Variants in MUC4 observed in about 807,000 individuals in gnomAD.
The protein encoded by MUC4 is mucin 4, cell surface associated.
MUC4 carries 202 observed loss-of-function variants against 257.9 expected under a neutral mutation model. The ratio of observed to expected loss-of-function variants is 0.78; its 90% CI spans 0.70 to 0.88. The LOEUF (loss-of-function observed/expected upper bound fraction) is 0.88, where lower values mean the gene tolerates loss of function less well. MUC4 is among the 40% of genes least tolerant of loss of function. The pLI is 0.00. For missense variants in MUC4, 5,976 were observed against 6,513.7 expected (o/e 0.92, Z 2.84); for synonymous variants, 2,351 against 2,757.1 (o/e 0.85, Z 4.62).
At position 195,788,893 on chromosome 3, in the gene MUC4, G is replaced by C; in HGVS notation, c.2687C>G (p.Ala896Gly). 1 of 1,613,748 alleles carries C rather than the reference G, an allele frequency of 6.2e-7. No individual in the cohort carries two copies. Residue 896 changes from alanine to glycine, a missense_variant, in exon 2 of 25, where the codon GCC becomes GGC. This residue lies in a region of MUC4 where 1,583 missense variants were observed against 1,257.4 expected (regional missense o/e 1.26). Coordinates refer to ENST00000463781, the MANE Select transcript of MUC4 (RefSeq NM_018406.7). Reference protein sequence around the residue: ...TGQSSPTSPSASPQETAAISR... With the variant: ...TGQSSPTSPSGSPQETAAISR... The stretch of plus-strand genomic sequence containing the variant: ...AATGGCGGCTGTCTCCTGAGGAGAG[G>C]CACTGGGAGAAGTTGGGCTTGACTG...
At chr3:195,801,677 G>A (rs912382958) in intron 1 of MUC4, among the ~76,000 whole-genome samples, 8 of 151,974 alleles carry the variant, frequency 5.3e-5, no homozygotes, top group South Asian at 2.1e-4. Flanking sequence ...CACTCACTTC[G>A]CTCAAGCCGT....
chr3:195,793,843 A>T (rs1448815414), intron 1 of MUC4, among the ~76,000 whole-genome samples: 3 of 152,202 alleles, frequency 2.0e-5, no homozygotes, highest in Non-Finnish European at 4.4e-5. Context: ...CATCTGTGCC[A>T]ATCTGGTAAA....
In MUC4 at chr3:195,762,133, G is replaced by A. The variant is rs1373742613; in HGVS notation, c.14466C>T (p.Ser4822=). The part of the protein sequence containing the change: ...VIALSNILHA[S]ASLPPEYQNR... ...TCTGGTACTCGGGCGGGAGGCTGGC[G>A]GAGGCGTGGAGGATGTTGGAGAGCG... is the stretch of plus-strand genomic sequence containing the variant. The change falls in exon 14 of 25, where the codon TCC becomes TCT. Residue 4822 remains serine (S), a synonymous_variant. Transcript: ENST00000463781. The A allele has an allele frequency of 1.7e-5, 27 of 1,608,078 alleles. No homozygotes were observed. The highest frequency in any genetic ancestry group is 2.1e-5 in the Non-Finnish European group (25 of 1,178,380).
At chr3:195,760,847 A>T (rs985269973) in intron 16 of MUC4, 37 bp downstream of exon 16, 75 of 1,578,276 alleles carry the variant, frequency 4.8e-5, no homozygotes, top group Non-Finnish European at 6.4e-5. Context: ...TCTGCTCCCG[A>T]CTCTGAAAAG....
Position 195,774,278 on chromosome 3 carries a change from C to A in MUC4, c.12971G>T (p.Gly4324Val). Residue 4324 changes from glycine to valine, a missense_variant, in exon 4 of 25, where the codon GGC becomes GTC. Around this residue, in one of 44 missense-constraint regions of MUC4, gnomAD observed 233 missense variants for 171.2 expected, o/e 1.36. Transcript: ENST00000463781. ...RGVSLFPYGAGAGDLEFVRRT... is the reference protein window; with the variant it reads ...RGVSLFPYGAVAGDLEFVRRT... ...CCTGACGAACTCCAGGTCCCCGGCG[C>A]CTGCCCCATAGGGGAAGAGGGAAAC... The A allele has an allele frequency of 6.3e-7, 1 of 1,580,806 alleles. No individual in the cohort carries two copies. The highest frequency in any genetic ancestry group is 1.2e-5 in the South Asian group (1 of 86,566).
Position 195,786,851 on chromosome 3 carries a change from C to T in MUC4, c.4729G>A (p.Ala1577Thr), listed in dbSNP as rs1294648865. Reference sequence around the variant, plus strand: ...AGAGGGGTGGTGTGACCTGTAGATGCTGAGGAAGGGCTGGTGACAGGAAGA... The same window carrying T: ...AGAGGGGTGGTGTGACCTGTAGATGTTGAGGAAGGGCTGGTGACAGGAAGA... ...TPLPVTSPSSASTGHTTPLPV... is the reference protein window; with the variant it reads ...TPLPVTSPSSTSTGHTTPLPV... The change falls in exon 2 of 25, where the codon GCA becomes ACA. Residue 1577 changes from alanine to threonine, a missense_variant. Ala to Thr is a moderately conservative substitution (Grantham distance 58, BLOSUM62 0). Coordinates refer to ENST00000463781, the MANE Select transcript of MUC4 (RefSeq NM_018406.7). The T allele has an allele frequency of 6.5e-7, 1 of 1,537,956 alleles. No individual in the cohort carries two copies. Among genetic ancestry groups the T allele is most frequent in the Non-Finnish European group, 8.8e-7 (1 of 1,140,348 alleles).
chr3:195,762,045 T>TG, intron 14 of MUC4, 42 bp downstream of exon 14: 1 of 1,547,242 alleles, frequency 6.5e-7, no homozygotes, highest in Non-Finnish European at 8.7e-7. Flanking sequence ...GAGCTCCGGC[T>TG]GGCTCCGCGG....
rs761387718 is a variant in MUC4 at position 195,757,975 on chromosome 3, C to T, written c.14987-647G>A. On this transcript the variant is annotated intron_variant, in intron 17 of 24. Transcript: ENST00000463781. This position sits in a 1 kb window ranked among gnomAD's most constrained non-coding sequence, Gnocchi z 4.8. ...GAAGAAAACCTCTCAGTGCCATTGTCTCGCACCTGGGAGGACGCACATGGG... is the reference window on the plus strand; with the variant it reads ...GAAGAAAACCTCTCAGTGCCATTGTTTCGCACCTGGGAGGACGCACATGGG... Among the ~76,000 whole-genome samples, 3 of 152,208 alleles carry T rather than the reference C, an allele frequency of 2.0e-5. No individual in the cohort carries two copies. Among genetic ancestry groups the T allele is most frequent in the Non-Finnish European group, 2.9e-5 (2 of 68,040 alleles).
In MUC4 at chr3:195,788,501, C is replaced by G. The variant is rs1223342885; in HGVS notation, c.3079G>C (p.Val1027Leu). 6.7e-7 allele frequency: 1 copy of G among 1,493,574 alleles called. No homozygotes were observed. Among genetic ancestry groups the G allele is most frequent in the Non-Finnish European group, 9.0e-7 (1 of 1,116,340 alleles). The allele number at this position is 1,493,574 out of a possible 1,614,324, so 92.5% of individuals were successfully genotyped here. The change falls in exon 2 of 25, where the codon GTC (valine) becomes CTC (leucine). Residue 1027 changes from valine (V) to leucine (L), a missense_variant. Physicochemically the swap from Val to Leu is conservative, Grantham distance 32. Coordinates refer to ENST00000463781, the MANE Select transcript of MUC4 (RefSeq NM_018406.7). The part of the protein sequence containing the change: ...VSTGHTTPLP[V>L]TDTSSESTGH... Reference sequence around the variant, plus strand: ...GTGGATTCTGAGGAAGTGTCGGTGACAGGAAGAGGGGTGGTGTGACCTGTG... The same window carrying G: ...GTGGATTCTGAGGAAGTGTCGGTGAGAGGAAGAGGGGTGGTGTGACCTGTG...
intron 3 of MUC4, among the ~76,000 whole-genome samples, chr3:195,775,244 C>G (rs1305495144): frequency 6.6e-6 from 1 of 152,180 alleles, no homozygotes; most frequent in South Asian, 2.1e-4. Context: ...TCCCTGGCTC[C>G]CGTTGCCTAC....
intron 3 of MUC4, among the ~76,000 whole-genome samples, chr3:195,776,544 C>CCG (rs1724794797): frequency 3.1e-5 from 1 of 32,060 alleles, no homozygotes; most frequent in Admixed American, 1.8e-4. Flanking sequence ...CCCATACCTT[C>CCG]CACACCCATA....
intron 21 of MUC4, chr3:195,751,656 G>C (rs1036016444): frequency 5.8e-6 from 2 of 345,534 alleles, no homozygotes; most frequent in Non-Finnish European, 1.1e-5. Context: ...GGTGACTTAG[G>C]TGGAGTCTAA....
At chr3:195,756,297 C>T (rs1468484267) in intron 18 of MUC4, among the ~76,000 whole-genome samples, 1 of 152,126 alleles carries the variant, frequency 6.6e-6, no homozygotes, top group African/African-American at 2.4e-5. Flanking sequence ...GGAAGTGGGG[C>T]GGAGCTGTGA....
At position 195,759,140 on chromosome 3, in the gene MUC4, G is replaced by A. The variant is rs1203902487; in HGVS notation, c.14970C>T (p.Thr4990=). 15 of 1,613,838 alleles carry A rather than the reference G, an allele frequency of 9.3e-6. No homozygotes were observed. The highest frequency in any genetic ancestry group is 2.2e-5 in the East Asian group (1 of 44,862). The change falls in exon 17 of 25, where the codon ACC becomes ACT. Residue 4990 remains threonine (T), a synonymous_variant. Transcript: ENST00000463781. Reference sequence around the variant, plus strand: ...TAGTCCTACCAAAGAGCTCCAAGTCGGTGCAGCTGTCTCTGAGCGTGAAGT... The same window carrying A: ...TAGTCCTACCAAAGAGCTCCAAGTCAGTGCAGCTGTCTCTGAGCGTGAAGT... ...DANFTLRDSC[T]DLELFENGTL...
At position 195,774,198 on chromosome 3, in the gene MUC4, C is replaced by T. The variant is rs767318129; in HGVS notation, c.13051G>A (p.Gly4351Ser). The T allele has an allele frequency of 1.9e-6, 3 of 1,608,046 alleles. No individual in the cohort carries two copies. The African/African-American group carries it at 4.0e-5, about 22-fold the overall frequency. Reference sequence around the variant, plus strand: ...TAGAGGGAATCACGGAGAGAGGAGCCAAGGGGGAAGCCAGTCGCCGGCTTG... The same window carrying T: ...TAGAGGGAATCACGGAGAGAGGAGCTAAGGGGGAAGCCAGTCGCCGGCTTG... ...LFKPATGFPL[G>S]SSLRDSLYFT... The change falls in exon 4 of 25, where the codon GGC becomes AGC. Residue 4351 changes from glycine to serine, a missense_variant. Physicochemically the swap from Gly to Ser is moderately conservative, Grantham distance 56 (BLOSUM62 0). Coordinates refer to ENST00000463781, the MANE Select transcript of MUC4 (RefSeq NM_018406.7).
In MUC4 at chr3:195,789,724, G is replaced by A; in HGVS notation, c.1856C>T (p.Ser619Leu). Residue 619 changes from serine to leucine, a missense_variant, in exon 2 of 25, where the codon TCA becomes TTA. By Grantham distance (145) the Ser-to-Leu change is moderately radical. Coordinates refer to ENST00000463781, the MANE Select transcript of MUC4 (RefSeq NM_018406.7). The stretch of plus-strand genomic sequence containing the variant: ...AGAGGTGCTTGTGGAATGTATTGTT[G>A]AATGATTTGTTGATGGTGCCGTTGT... The part of the protein sequence containing the change: ...QITTAPSTNH[S>L]TIHSTSTSPQ... 6.2e-7 allele frequency: 1 copy of A among 1,613,968 alleles called. No individual in the cohort carries two copies. Among genetic ancestry groups the A allele is most frequent in the Non-Finnish European group, 8.5e-7 (1 of 1,179,850 alleles).
At chr3:195,753,261 C>T (rs200676699) in intron 19 of MUC4, 31 bp from the exon 20 acceptor site, 81 of 1,606,636 alleles carry the variant, frequency 5.0e-5, no homozygotes, top group East Asian at 4.0e-4. Context: ...TCAGCAGCAG[C>T]GCGCAGGGCA....
intron 1 of MUC4, among the ~76,000 whole-genome samples, chr3:195,807,881 C>T (rs1736184771): frequency 6.6e-6 from 1 of 151,904 alleles, no homozygotes; most frequent in Non-Finnish European, 1.5e-5. Context: ...TCAAGCACTG[C>T]CAGGCCAGCC....
intron 1 of MUC4, among the ~76,000 whole-genome samples, chr3:195,798,904 G>A (rs1453793483): frequency 2.0e-5 from 3 of 151,998 alleles, no homozygotes; most frequent in African/African-American, 7.3e-5. Flanking sequence ...AGTCCTACAA[G>A]AGCTGGCTCA....
Sources: allele counts gnomAD v4.1 joint callset (sites outside exome capture counted in the v4.1 genomes callset), GRCh38; gene constraint gnomAD v4.1.1; regional missense constraint gnomAD v4.1.1; non-coding constraint Gnocchi (gnomAD v3.1); transcripts MANE v1.5; gene names NCBI Gene and HGNC (gene_info 2026-07-23, HGNC 2026-07-21).